WDFY4: variants seen among roughly 807,000 people sequenced by gnomAD.
The protein encoded by WDFY4 is WDFY family member 4, also known as WD repeat- and FYVE domain-containing protein 4.
A neutral mutation model predicts 351.9 loss-of-function variants in WDFY4; 169 were observed. The observed-to-expected ratio is 0.48, with a 90% CI of 0.42 to 0.55. WDFY4 has a LOEUF of 0.55. Ranked by LOEUF, WDFY4 falls within the 20% of genes least tolerant of loss-of-function variation. WDFY4 has a pLI of 0.00. For missense variants in WDFY4, 3,803 were observed against 3,935.6 expected (o/e 0.97, Z 0.90); for synonymous variants, 1,622 against 1,574.6 (o/e 1.03, Z -0.71).
At chr10:48,696,084 T>G (rs1236730250) in intron 1 of WDFY4, among the ~76,000 whole-genome samples, 3 of 152,192 alleles carry the variant, frequency 2.0e-5, no homozygotes, top group Non-Finnish European at 4.4e-5. Context: ...GGAAAACACC[T>G]GCATTGCCTC....
chr10:48,881,097 T>A (rs189410319), intron 43 of WDFY4, among the ~76,000 whole-genome samples: 47 of 152,356 alleles, frequency 3.1e-4, no homozygotes, highest in African/African-American at 1.0e-3. Flanking sequence ...GACATGGGGC[T>A]GTGTCTCTGT....
intron 47 of WDFY4, among the ~76,000 whole-genome samples, chr10:48,933,320 C>CTCCA (rs1313146611): frequency 6.6e-6 from 1 of 152,226 alleles, no homozygotes; most frequent in Non-Finnish European, 1.5e-5. Flanking sequence ...AATCTAGTCA[C>CTCCA]TCCACTTCAC....
At chr10:48,719,025 G>C (rs562848834) in intron 2 of WDFY4, among the ~76,000 whole-genome samples, 1 of 152,290 alleles carries the variant, frequency 6.6e-6, no homozygotes, top group Admixed American at 6.5e-5. Context: ...CAACAACTCG[G>C]ACTGGAGAAG....
At chr10:48,736,408 G>A (rs778823003) in intron 11 of WDFY4, among the ~76,000 whole-genome samples, 8 of 152,208 alleles carry the variant, frequency 5.3e-5, no homozygotes, top group African/African-American at 9.7e-5. Context: ...GAACTGGCAC[G>A]GGTTATTTTC....
At chr10:48,844,645 G>A (rs2068716758) in intron 39 of WDFY4, among the ~76,000 whole-genome samples, 1 of 152,148 alleles carries the variant, frequency 6.6e-6, no homozygotes, top group South Asian at 2.1e-4. Flanking sequence ...TGAGGCTTGG[G>A]GCTCCCAGGT....
chr10:48,865,011 A>G (rs1196541062), intron 39 of WDFY4, among the ~76,000 whole-genome samples: 1 of 152,186 alleles, frequency 6.6e-6, no homozygotes, highest in Non-Finnish European at 1.5e-5. Flanking sequence ...ATCTGTGAAC[A>G]GAGGTGTTTT....
At chr10:48,774,702 A>C in intron 14 of WDFY4, 30 bp downstream of exon 14, 1 of 1,550,776 alleles carries the variant, frequency 6.4e-7, no homozygotes, top group Non-Finnish European at 8.7e-7. Context: ...CAGTGCCGCC[A>C]AGCTGGGCAG....
intron 12 of WDFY4, among the ~76,000 whole-genome samples, chr10:48,759,518 C>T (rs1160564726): frequency 1.3e-5 from 2 of 152,188 alleles, no homozygotes; most frequent in Admixed American, 6.5e-5. Flanking sequence ...AGTTTCTCTT[C>T]ACTGAGAGTT....
chr10:48,876,088 C>A (rs1251472450), intron 42 of WDFY4, among the ~76,000 whole-genome samples: 1 of 151,730 alleles, frequency 6.6e-6, no homozygotes, highest in Non-Finnish European at 1.5e-5. Context: ...GTGTCTGTGA[C>A]CCTGGGCCTT....
chr10:48,775,011 G>C (rs2065984264), intron 14 of WDFY4, among the ~76,000 whole-genome samples: 1 of 152,084 alleles, frequency 6.6e-6, no homozygotes, highest in Admixed American at 6.5e-5. Context: ...GGCTGGGAGG[G>C]GCTGACTGTG....
chr10:48,770,626 G>A (rs1227221802), intron 13 of WDFY4, among the ~76,000 whole-genome samples: 1 of 152,228 alleles, frequency 6.6e-6, no homozygotes, highest in Non-Finnish European at 1.5e-5. Flanking sequence ...GGTGGATGAA[G>A]GAAGAGAGAG....
intron 1 of WDFY4, among the ~76,000 whole-genome samples, chr10:48,688,661 A>G (rs1453223894): frequency 2.0e-5 from 3 of 152,174 alleles, no homozygotes; most frequent in Non-Finnish European, 4.4e-5. Context: ...TCATGTGAAG[A>G]TTGTAGGAGA....
At chr10:48,853,808 C>A (rs2069036774) in intron 39 of WDFY4, among the ~76,000 whole-genome samples, 1 of 152,194 alleles carries the variant, frequency 6.6e-6, no homozygotes, top group Admixed American at 6.5e-5. Context: ...CATCTCTGCC[C>A]CAGCATTGAC....
At chr10:48,786,922 G>A in intron 20 of WDFY4, 52 bp downstream of exon 20, 3 of 1,473,972 alleles carry the variant, frequency 2.0e-6, no homozygotes, top group Non-Finnish European at 2.8e-6. Flanking sequence ...TTTTTAAATG[G>A]ACATCCAGTT....
chr10:48,978,337 C>T lies in WDFY4; in HGVS notation c.9320C>T (p.Ser3107Phe). Reference sequence around the variant, plus strand: ...TGGAAGACTGAGGATGTGAAGATGTCTGTTCCTGGACGGCCAGCAGGAGAG... The same window carrying T: ...TGGAAGACTGAGGATGTGAAGATGTTTGTTCCTGGACGGCCAGCAGGAGAG... ...RVWKTEDVKM[S>F]VPGRPAGEEP... The change falls in exon 60 of 62, where the codon TCT (serine) becomes TTT (phenylalanine). Residue 3107 changes from serine to phenylalanine, a missense_variant. By Grantham distance (155) the Ser-to-Phe change is radical. This residue lies in a region of WDFY4 where 3,054 missense variants were observed against 3,148.6 expected (regional missense o/e 0.97). Coordinates refer to ENST00000325239, the MANE Select transcript of WDFY4 (RefSeq NM_001394531.1). 1 of 1,551,518 alleles carries T rather than the reference C, an allele frequency of 6.4e-7. No individual in the cohort carries two copies. The highest frequency in any genetic ancestry group is 1.7e-4 in the Middle Eastern group (1 of 5,986).
intron 51 of WDFY4, among the ~76,000 whole-genome samples, chr10:48,949,884 G>A (rs535945014): frequency 1.3e-5 from 2 of 152,242 alleles, no homozygotes; most frequent in Admixed American, 1.3e-4. Context: ...AGTCTCCTTG[G>A]TGAGATCAAG....
chr10:48,780,201 T>C (rs2066173872), intron 19 of WDFY4, 82 bp downstream of exon 19: 3 of 1,466,014 alleles, frequency 2.0e-6, no homozygotes, highest in South Asian at 1.3e-5. Flanking sequence ...TTTCATTCTA[T>C]GTTTTTGTTG....
intron 2 of WDFY4, among the ~76,000 whole-genome samples, chr10:48,713,463 A>T (rs2063819276): frequency 6.6e-6 from 1 of 152,228 alleles, no homozygotes; most frequent in South Asian, 2.1e-4. Context: ...ACTGCTAGGC[A>T]AGTACAAAGG....
intron 40 of WDFY4, among the ~76,000 whole-genome samples, chr10:48,872,355 G>T (rs2069815877): frequency 6.6e-6 from 1 of 152,166 alleles, no homozygotes; most frequent in Non-Finnish European, 1.5e-5. Flanking sequence ...TTAAATCTCT[G>T]TTTGGCCACC....
Sources: allele counts gnomAD v4.1 joint callset (sites outside exome capture counted in the v4.1 genomes callset), GRCh38; gene constraint gnomAD v4.1.1; regional missense constraint gnomAD v4.1.1; transcripts MANE v1.5; gene names NCBI Gene and HGNC (gene_info 2026-07-23, HGNC 2026-07-21).